The following PFKFB1 variants were observed in gnomAD, a reference collection of about 807,000 sequenced individuals.
PFKFB1 encodes 6-phosphofructo-2-kinase/fructose-2,6-biphosphatase 1.
A neutral mutation model predicts 46.4 loss-of-function variants in PFKFB1; 34 were observed. The observed-to-expected ratio is 0.73, with a 90% CI of 0.56 to 0.98. The LOEUF (loss-of-function observed/expected upper bound fraction) is 0.98, where lower values mean the gene tolerates loss of function less well. Among genes scored for constraint, PFKFB1 ranks in the 50% least tolerant of loss-of-function variants. PFKFB1 has a pLI of 0.00. For missense variants in PFKFB1, 393 were observed against 376.3 expected (o/e 1.04, Z -0.37); for synonymous variants, 119 against 133.8 (o/e 0.89, Z 0.76).
intron 1 of PFKFB1, among the ~76,000 whole-genome samples, chrX:54,973,148 C>G (rs1425290962): frequency 8.9e-6 from 1 of 111,739 alleles, no homozygotes. Context: ...GTAGTATTCT[C>G]TGACGGTAGT....
intron 1 of PFKFB1, among the ~76,000 whole-genome samples, chrX:54,966,169 T>C (rs1934467831): frequency 8.9e-6 from 1 of 112,114 alleles, no homozygotes; most frequent in Admixed American, 9.5e-5. Context: ...GATTAAAAAG[T>C]AGGATCCAAC....
At position 54,959,867 on chromosome X, in the gene PFKFB1, T is replaced by C. The variant is rs1262220774; in HGVS notation, c.344A>G (p.Asp115Gly). The C allele has an allele frequency of 8.3e-7, 1 of 1,207,167 alleles. No homozygotes were observed. Among genetic ancestry groups the C allele is most frequent in the African/African-American group, 1.7e-5 (1 of 57,729 alleles). The change falls in exon 4 of 14, where the codon GAT (aspartate) becomes GGT (glycine). Residue 115 changes from aspartate (D) to glycine (G), a missense_variant. By Grantham distance (94) the Asp-to-Gly change is moderately conservative. Coordinates refer to ENST00000375006, the MANE Select transcript of PFKFB1 (RefSeq NM_002625.4). ...CTCATGGCTGAGATAGTTGTGAACA[T>C]CCTTCAGGGCTGCCAGGGCGCACTG... Reference protein sequence around the residue: ...RKQCALAALKDVHNYLSHEEG... With the variant: ...RKQCALAALKGVHNYLSHEEG...
chrX:54,963,383 C>T lies in PFKFB1; in HGVS notation c.98-1G>A. 8.3e-7 allele frequency: 1 copy of T among 1,209,174 alleles called. No individual in the cohort carries two copies. Among genetic ancestry groups the T allele is most frequent in the Non-Finnish European group, 1.1e-6 (1 of 893,853 alleles). On this transcript the variant is annotated splice_acceptor_variant, in intron 1 of 13. Transcript: ENST00000375006. LOFTEE classifies it high-confidence loss of function. ...GAATTGGTAAACTGGGGTATGGATG[C>T]TGAAAAATAAACAGACCCTCAAAAG...
chrX:54,976,671 T>TAG (rs1934847357), intron 1 of PFKFB1, among the ~76,000 whole-genome samples: 1 of 111,558 alleles, frequency 9.0e-6, no homozygotes, highest in African/African-American at 3.2e-5. Flanking sequence ...AAATTAAGTT[T>TAG]ACACAAAAAT....
chrX:54,946,826 A>G (rs956375324), intron 9 of PFKFB1, among the ~76,000 whole-genome samples: 1 of 112,450 alleles, frequency 8.9e-6, no homozygotes, highest in Non-Finnish European at 1.9e-5. Flanking sequence ...TGTAAGTAAA[A>G]CATACTAGTA....
chrX:54,994,966 T>C, upstream of PFKFB1: 2 of 439,730 alleles, frequency 4.5e-6, no homozygotes, highest in Non-Finnish European at 5.7e-6. Flanking sequence ...CATCATGAAC[T>C]GATAGAAAAT....
At chrX:54,969,338 G>A (rs983598744) in intron 1 of PFKFB1, among the ~76,000 whole-genome samples, 1 of 111,457 alleles carries the variant, frequency 9.0e-6, no homozygotes, top group Admixed American at 9.5e-5. Flanking sequence ...CCCCACACTC[G>A]CATGCACAGG....
intron 7 of PFKFB1, among the ~76,000 whole-genome samples, chrX:54,953,160 A>G (rs1462501648): frequency 8.9e-6 from 1 of 111,981 alleles, no homozygotes; most frequent in Non-Finnish European, 1.9e-5. Flanking sequence ...TACAGAGTTC[A>G]GAGAAATCCC....
At chrX:54,943,223 A>T (rs1454278597) in intron 10 of PFKFB1, among the ~76,000 whole-genome samples, 1 of 111,913 alleles carries the variant, frequency 8.9e-6, no homozygotes, top group African/African-American at 3.2e-5. Context: ...AGCAACAATG[A>T]TACAAAAACC....
chrX:54,983,931 T>C (rs1217393738), intron 1 of PFKFB1, among the ~76,000 whole-genome samples: 2 of 112,199 alleles, frequency 1.8e-5, no homozygotes, highest in African/African-American at 3.2e-5. Context: ...ATGTTGAGCA[T>C]TTTTTCATAT....
intron 4 of PFKFB1, among the ~76,000 whole-genome samples, chrX:54,959,135 C>T (rs1216148702): frequency 4.5e-5 from 5 of 110,894 alleles, no homozygotes; most frequent in Admixed American, 3.8e-4. Flanking sequence ...GTATGCTACC[C>T]TGTGAGTGTA....
intron 1 of PFKFB1, among the ~76,000 whole-genome samples, chrX:54,978,722 T>C (rs1459541282): frequency 8.9e-6 from 1 of 111,769 alleles, no homozygotes; most frequent in Non-Finnish European, 1.9e-5. Context: ...ATAAGTCATG[T>C]TGATATCATC....
intron 9 of PFKFB1, among the ~76,000 whole-genome samples, chrX:54,946,943 A>G (rs990465679): frequency 3.4e-4 from 38 of 111,902 alleles, no homozygotes; most frequent in Non-Finnish European, 6.6e-4. Context: ...CTTTATCTTC[A>G]TCCTAAATTC....
At chrX:54,943,806 AAAAG>A (rs968276791) in intron 10 of PFKFB1, among the ~76,000 whole-genome samples, 6 of 111,473 alleles carry the variant, frequency 5.4e-5, no homozygotes, top group African/African-American at 9.7e-5. Flanking sequence ...ATAAAAATAA[AAAAG>A]AAAGACGGAA....
chrX:54,996,334 T>C (rs1935356583), upstream of PFKFB1, among the ~76,000 whole-genome samples: 1 of 112,522 alleles, frequency 8.9e-6, no homozygotes, highest in African/African-American at 3.2e-5. Context: ...GCAAACATCC[T>C]TGTTAGCCTT....
intron 1 of PFKFB1, among the ~76,000 whole-genome samples, chrX:54,967,339 T>C (rs1157117901): frequency 8.9e-6 from 1 of 112,033 alleles, no homozygotes; most frequent in Non-Finnish European, 1.9e-5. Context: ...GGAACAAATA[T>C]TTAAAACAGA....
intron 1 of PFKFB1, among the ~76,000 whole-genome samples, chrX:54,978,293 T>G (rs1934887823): frequency 9.0e-6 from 1 of 111,358 alleles, no homozygotes; most frequent in Admixed American, 9.6e-5. Flanking sequence ...AGTACACACT[T>G]ATATATATAC....
chrX:54,995,726 A>G (rs2146699939), upstream of PFKFB1, among the ~76,000 whole-genome samples: 1 of 112,667 alleles, frequency 8.9e-6, no homozygotes, highest in East Asian at 2.8e-4. Context: ...GCAATCTGTG[A>G]AATGTTAAAA....
intron 2 of PFKFB1, among the ~76,000 whole-genome samples, chrX:54,962,386 T>C (rs1398283191): frequency 8.9e-6 from 1 of 112,150 alleles, no homozygotes. Flanking sequence ...GCCCTGCTCC[T>C]GCTCTAGAAT....
Sources: allele counts gnomAD v4.1 joint callset (sites outside exome capture counted in the v4.1 genomes callset), GRCh38; gene constraint gnomAD v4.1.1; transcripts MANE v1.5; gene names NCBI Gene and HGNC (gene_info 2026-07-23, HGNC 2026-07-21).